Variants in MUSK observed in about 807,000 individuals in gnomAD.
MUSK encodes the protein muscle, skeletal receptor tyrosine-protein kinase.
MUSK carries 55 observed loss-of-function variants against 88.7 expected under a neutral mutation model. The ratio of observed to expected loss-of-function variants is 0.62; its 90% CI spans 0.50 to 0.78. The LOEUF (loss-of-function observed/expected upper bound fraction) is 0.78. Ranked by LOEUF, MUSK falls within the 30% of genes least tolerant of loss-of-function variation. The pLI, the probability that MUSK is intolerant of heterozygous loss-of-function variation, is 0.00. For missense variants in MUSK, 1,015 were observed against 1,074.3 expected (o/e 0.94, Z 0.77); for synonymous variants, 387 against 391.9 (o/e 0.99, Z 0.15).
intron 14 of MUSK, among the ~76,000 whole-genome samples, chr9:110,797,292 C>A (rs946476366): frequency 1.5e-4 from 22 of 146,246 alleles, no homozygotes; most frequent in African/African-American, 4.6e-4. Flanking sequence ...AACAAACAAA[C>A]AAAAAAAAAG....
intron 5 of MUSK, among the ~76,000 whole-genome samples, chr9:110,727,026 TG>T (rs1275006901): frequency 6.6e-6 from 1 of 152,084 alleles, no homozygotes; most frequent in East Asian, 1.9e-4. Flanking sequence ...TTACGAATAT[TG>T]TAAAAAAAAG....
At chr9:110,745,199 CAGG>C (rs2077158920) in intron 6 of MUSK, among the ~76,000 whole-genome samples, 1 of 152,122 alleles carries the variant, frequency 6.6e-6, no homozygotes, top group South Asian at 2.1e-4. Flanking sequence ...GGATGAAGTC[CAGG>C]AGAAGAGACG....
At chr9:110,747,893 T>G in intron 7 of MUSK, 93 bp downstream of exon 7, 1 of 1,462,360 alleles carries the variant, frequency 6.8e-7, no homozygotes, top group Non-Finnish European at 9.5e-7. Flanking sequence ...CTCCCTTTTC[T>G]TTTATCTCTT....
chr9:110,710,046 TATAG>T (rs2076648749), intron 5 of MUSK, among the ~76,000 whole-genome samples: 1 of 152,204 alleles, frequency 6.6e-6, no homozygotes, highest in South Asian at 2.1e-4. Flanking sequence ...TCTTTTATTT[TATAG>T]ATAAAGACAC....
At chr9:110,697,215 C>A in intron 4 of MUSK, 110 bp from the exon 5 acceptor site, 1 of 1,160,116 alleles carries the variant, frequency 8.6e-7, no homozygotes, top group Non-Finnish European at 1.2e-6. Context: ...AAGGTCAAAG[C>A]GATATCTTTG....
At chr9:110,725,267 A>C (rs988428859) in intron 5 of MUSK, among the ~76,000 whole-genome samples, 7 of 152,006 alleles carry the variant, frequency 4.6e-5, no homozygotes, top group African/African-American at 7.2e-5. Context: ...AAAGAGTGGA[A>C]GGGGGATGAG....
chr9:110,770,619 A>C (rs1271845307), intron 9 of MUSK, among the ~76,000 whole-genome samples: 2 of 151,300 alleles, frequency 1.3e-5, no homozygotes, highest in South Asian at 2.1e-4. Context: ...TGCTAAGTTT[A>C]TACAATTAAC....
chr9:110,775,365 A>C, intron 9 of MUSK: 1 of 240,880 alleles, frequency 4.2e-6, no homozygotes, highest in Non-Finnish European at 8.1e-6. Context: ...ATTAGCCCCA[A>C]GATCATAGAA....
At chr9:110,788,705 A>G (rs956193507) in intron 14 of MUSK, among the ~76,000 whole-genome samples, 1 of 151,454 alleles carries the variant, frequency 6.6e-6, no homozygotes, top group Non-Finnish European at 1.5e-5. Flanking sequence ...ACAGATAATA[A>G]AAAAAAAACA....
chr9:110,797,581 G>A (rs376353071), intron 14 of MUSK, among the ~76,000 whole-genome samples: 4 of 152,126 alleles, frequency 2.6e-5, no homozygotes, highest in Admixed American at 6.6e-5. Flanking sequence ...GTAGTATCTC[G>A]AATAGTTTCT....
intron 5 of MUSK, among the ~76,000 whole-genome samples, chr9:110,711,857 G>A (rs942582058): frequency 3.3e-5 from 5 of 152,178 alleles, no homozygotes; most frequent in Admixed American, 2.6e-4. Flanking sequence ...AAAATTGTGT[G>A]TTGTCATTCT....
In MUSK at chr9:110,737,069, T is replaced by C. The variant is rs183254753; in HGVS notation, c.753+2694T>C. Among the ~76,000 whole-genome samples, 299 of 152,232 alleles carry C rather than the reference T, an allele frequency of 2.0e-3. 3 individuals carry two copies. Among genetic ancestry groups the C allele is most frequent in the Middle Eastern group, 0.014 (4 of 294 alleles). ...CAAAGGAAAGTTCAAATTTTCTGGG[T>C]TTGGAAAACTCTCTAAGGGTAAATA... On this transcript the variant is annotated intron_variant, in intron 6 of 14. Transcript: ENST00000374448.
Position 110,736,270 on chromosome 9 carries a change from T to C in MUSK, c.753+1895T>C, listed in dbSNP as rs1180604090. On this transcript the variant is annotated intron_variant, in intron 6 of 14. Transcript: ENST00000374448. The stretch of plus-strand genomic sequence containing the variant: ...TGTACCCCATAAATATGTACAACTA[T>C]TATATATCCATAAAATTTTAAATTA... 2.6e-5 allele frequency among the ~76,000 whole-genome samples: 4 copies of C among 152,092 alleles called. No individual in the cohort carries two copies. The South Asian group carries it at 8.3e-4, about 31-fold the overall frequency.
chr9:110,784,955 C>T lies in MUSK; in HGVS notation c.1525C>T (p.Leu509Phe). The change falls in exon 12 of 15, where the codon CTT becomes TTT. Residue 509 changes from leucine to phenylalanine, a missense_variant. Leu to Phe is a conservative substitution (Grantham distance 22, BLOSUM62 0). Transcript: ENST00000374448. ...SIMSSFAIFVLLTITTLYCCR... is the reference protein window; with the variant it reads ...SIMSSFAIFVFLTITTLYCCR... ...CATGTCCAGCTTTGCAATATTTGTG[C>T]TTCTTACCATAACTACTCTCTATTG... is the stretch of plus-strand genomic sequence containing the variant. 1.2e-6 allele frequency: 2 copies of T among 1,613,812 alleles called. No homozygotes were observed. Among genetic ancestry groups the T allele is most frequent in the Non-Finnish European group, 1.7e-6 (2 of 1,179,808 alleles).
In MUSK at chr9:110,804,071, A is replaced by G. The variant is rs2078128742; in HGVS notation, c.*3083A>G. On this transcript the variant is annotated 3_prime_UTR_variant, in exon 15 of 15. Coordinates refer to ENST00000374448, the MANE Select transcript of MUSK (RefSeq NM_005592.4). ...GAACACTTTCTTTTCATTTTACAGT[A>G]TATTACGAACCTGTTCCACGTCATT... is the stretch of plus-strand genomic sequence containing the variant. Among the ~76,000 whole-genome samples, 2 of 152,198 alleles carry G rather than the reference A, an allele frequency of 1.3e-5. No homozygotes were observed. Among genetic ancestry groups the G allele is most frequent in the South Asian group, 2.1e-4 (1 of 4,828 alleles).
chr9:110,757,008 A>G (rs2077334319), intron 7 of MUSK, among the ~76,000 whole-genome samples: 1 of 152,102 alleles, frequency 6.6e-6, no homozygotes, highest in Non-Finnish European at 1.5e-5. Flanking sequence ...GAGTAGTTGA[A>G]ATGAAAATAC....
chr9:110,755,660 C>T (rs1454663124), intron 7 of MUSK, among the ~76,000 whole-genome samples: 2 of 152,038 alleles, frequency 1.3e-5, no homozygotes, highest in African/African-American at 4.8e-5. Context: ...ACTCTCTCCA[C>T]TGCCAGCCAA....
intron 5 of MUSK, among the ~76,000 whole-genome samples, chr9:110,699,642 C>T (rs1444941334): frequency 1.3e-5 from 2 of 151,862 alleles, no homozygotes; most frequent in African/African-American, 4.8e-5. Flanking sequence ...TAAAAAAAAG[C>T]AACTGAGAAA....
At chr9:110,688,621 C>T (rs966507221) in intron 3 of MUSK, among the ~76,000 whole-genome samples, 1 of 151,870 alleles carries the variant, frequency 6.6e-6, no homozygotes, top group Non-Finnish European at 1.5e-5. Flanking sequence ...CTCCCCACAC[C>T]AACACCCCCG....
Sources: allele counts gnomAD v4.1 joint callset (sites outside exome capture counted in the v4.1 genomes callset), GRCh38; gene constraint gnomAD v4.1.1; transcripts MANE v1.5; gene names NCBI Gene and HGNC (gene_info 2026-07-23, HGNC 2026-07-21).